IL1RAPL2: variants seen among roughly 807,000 people sequenced by gnomAD.
IL1RAPL2 encodes X-linked interleukin-1 receptor accessory protein-like 2.
IL1RAPL2 carries 3 observed loss-of-function variants against 44.1 expected under a neutral mutation model. That is an observed-to-expected ratio of 0.07 (90% CI 0.03 to 0.18). IL1RAPL2 has a LOEUF of 0.18. Ranked by LOEUF, IL1RAPL2 falls within the 10% of genes least tolerant of loss-of-function variation. IL1RAPL2 has a pLI of 1.00. For missense variants in IL1RAPL2, 391 were observed against 496.4 expected, an observed-to-expected ratio of 0.79 and a Z score of 2.02; for synonymous variants, 181 against 178.8, an observed-to-expected ratio of 1.01 and a Z score of -0.10.
intron 1 of IL1RAPL2, chrX:104,647,787 G>A (rs1422908468): frequency 1.9e-6 from 1 of 535,778 alleles, no homozygotes; most frequent in South Asian, 2.4e-5. Flanking sequence ...TTAAGTGGTC[G>A]AGAATGGCAG....
At position 104,958,963 on chromosome X, in the gene IL1RAPL2, G is replaced by A. The variant is rs939628270; in HGVS notation, c.83-236512G>A. On this transcript the variant is annotated intron_variant, in intron 2 of 10. Transcript: ENST00000372582. ...TGAGGTGTTCACCATGAGAAATATTGTGTCTCCTTTCTTTTCACAGGGTCT... is the reference window on the plus strand; with the variant it reads ...TGAGGTGTTCACCATGAGAAATATTATGTCTCCTTTCTTTTCACAGGGTCT... 5.4e-5 allele frequency among the ~76,000 whole-genome samples: 6 copies of A among 110,804 alleles called. No homozygotes were observed. In the Admixed American group the frequency reaches 5.8e-4, roughly 11 times the overall value.
chrX:104,708,780 G>C (rs1341773968), intron 2 of IL1RAPL2, among the ~76,000 whole-genome samples: 1 of 110,553 alleles, frequency 9.0e-6, no homozygotes, highest in African/African-American at 3.3e-5. Flanking sequence ...TGACCTTAAA[G>C]TTGTTATAAT....
chrX:105,657,904 C>T (rs1207133842), intron 6 of IL1RAPL2, among the ~76,000 whole-genome samples: 3 of 109,980 alleles, frequency 2.7e-5, no homozygotes, highest in Non-Finnish European at 5.7e-5. Flanking sequence ...CATCAGCCAC[C>T]GCAACCAGCC....
chrX:105,033,077 T>C (rs1481075783), intron 2 of IL1RAPL2, among the ~76,000 whole-genome samples: 1 of 111,709 alleles, frequency 9.0e-6, no homozygotes, highest in Admixed American at 9.5e-5. Context: ...ATTTGCTTGG[T>C]AGATCTTCCT....
intron 1 of IL1RAPL2, among the ~76,000 whole-genome samples, chrX:104,649,537 A>G (rs1930113172): frequency 1.8e-5 from 2 of 111,745 alleles, no homozygotes; most frequent in South Asian, 7.4e-4. Flanking sequence ...GAATTATAAA[A>G]TGTAAGAGAT....
At chrX:105,354,921 A>G (rs2035189725) in intron 5 of IL1RAPL2, among the ~76,000 whole-genome samples, 1 of 111,647 alleles carries the variant, frequency 9.0e-6, no homozygotes, top group African/African-American at 3.3e-5. Context: ...AGTAAATGAC[A>G]TTACCCTCTA....
intron 1 of IL1RAPL2, among the ~76,000 whole-genome samples, chrX:104,594,939 G>C (rs2147998103): frequency 8.9e-6 from 1 of 112,190 alleles, no homozygotes; most frequent in Non-Finnish European, 1.9e-5. Context: ...GATTAAATTA[G>C]AGAAGTAGCA....
chrX:105,333,267 A>G (rs1361799317), intron 5 of IL1RAPL2, among the ~76,000 whole-genome samples: 1 of 111,824 alleles, frequency 8.9e-6, no homozygotes, highest in African/African-American at 3.2e-5. Flanking sequence ...GACTGGGGAA[A>G]GACCATCTTT....
chrX:104,877,290 C>A, intron 2 of IL1RAPL2, among the ~76,000 whole-genome samples: 1 of 110,989 alleles, frequency 9.0e-6, no homozygotes, highest in East Asian at 2.8e-4. Flanking sequence ...TTCTAGATCC[C>A]TGAGGAATCG....
intron 2 of IL1RAPL2, among the ~76,000 whole-genome samples, chrX:104,794,260 C>T (rs975621831): frequency 8.9e-6 from 1 of 111,883 alleles, no homozygotes; most frequent in African/African-American, 3.3e-5. Flanking sequence ...CACTATGATA[C>T]AGACATGTTG....
chrX:104,989,221 T>G (rs1391359459), intron 2 of IL1RAPL2, among the ~76,000 whole-genome samples: 1 of 111,630 alleles, frequency 9.0e-6, no homozygotes, highest in African/African-American at 3.3e-5. Context: ...TTGGCCATTC[T>G]TATTATGCTC....
chrX:104,646,264 AT>A (rs1914280845), intron 1 of IL1RAPL2, among the ~76,000 whole-genome samples: 1 of 110,068 alleles, frequency 9.1e-6, no homozygotes, highest in Non-Finnish European at 1.9e-5. Flanking sequence ...ACATTTTAAA[AT>A]CCATTTAATA....
intron 6 of IL1RAPL2, among the ~76,000 whole-genome samples, chrX:105,574,846 A>C (rs2037039547): frequency 9.0e-6 from 1 of 111,356 alleles, no homozygotes; most frequent in Non-Finnish European, 1.9e-5. Flanking sequence ...TTGCAGCAGT[A>C]TACATTGCCA....
intron 2 of IL1RAPL2, among the ~76,000 whole-genome samples, chrX:104,898,554 C>A (rs1923720411): frequency 8.9e-6 from 1 of 112,747 alleles, no homozygotes; most frequent in Non-Finnish European, 1.9e-5. Flanking sequence ...GGCTGTCCTG[C>A]CTAACATCAG....
At chrX:105,232,781 GA>G (rs781836764) in intron 3 of IL1RAPL2, among the ~76,000 whole-genome samples, 3 of 112,366 alleles carry the variant, frequency 2.7e-5, no homozygotes, top group African/African-American at 9.7e-5. Flanking sequence ...CAAGAAGACA[GA>G]ATTTTTGTTC....
intron 5 of IL1RAPL2, among the ~76,000 whole-genome samples, chrX:105,417,200 G>A (rs761865606): frequency 8.9e-6 from 1 of 112,659 alleles, no homozygotes; most frequent in South Asian, 3.7e-4. Flanking sequence ...TAGGCCGGGC[G>A]CAGTGGCTCC....
rs923711309 is a variant in IL1RAPL2 at position 104,566,590 on chromosome X, G to A, written c.-481G>A. Reference sequence around the variant, plus strand: ...GCGTCCCGGAGTGCACCGCTTGGCCGAGGCAAGGTGTTGCTGGGGCAAGGC... The same window carrying A: ...GCGTCCCGGAGTGCACCGCTTGGCCAAGGCAAGGTGTTGCTGGGGCAAGGC... On this transcript the variant is annotated 5_prime_UTR_variant, in exon 1 of 11. Coordinates refer to ENST00000372582, the MANE Select transcript of IL1RAPL2 (RefSeq NM_017416.2). The A allele has an allele frequency of 2.7e-5, 3 of 113,106 alleles. No individual in the cohort carries two copies. Among genetic ancestry groups the A allele is most frequent in the Non-Finnish European group, 5.6e-5 (3 of 53,430 alleles). The allele number at this position is 113,106 out of a possible 1,213,427, so 9.3% of individuals were successfully genotyped here. A position where few individuals can be genotyped will look rare whatever the true frequency, so the allele number is the denominator to read the frequency against.
At chrX:104,585,258 TA>T (rs1928493950) in intron 1 of IL1RAPL2, among the ~76,000 whole-genome samples, 1 of 29,153 alleles carries the variant, frequency 3.4e-5, no homozygotes, top group African/African-American at 2.4e-4. Context: ...ATATATAATA[TA>T]TATATAATAT....
chrX:105,492,647 C>G (rs2036329150), intron 6 of IL1RAPL2, among the ~76,000 whole-genome samples: 2 of 109,162 alleles, frequency 1.8e-5, no homozygotes. Flanking sequence ...GGAGCTGTCA[C>G]TTATTGATTG....
Sources: allele counts gnomAD v4.1 joint callset (sites outside exome capture counted in the v4.1 genomes callset), GRCh38; gene constraint gnomAD v4.1.1; transcripts MANE v1.5; gene names NCBI Gene and HGNC (gene_info 2026-07-23, HGNC 2026-07-21).